Variants in FHIT observed in about 807,000 individuals in gnomAD.
FHIT encodes the protein fragile histidine triad diadenosine triphosphatase, also known as bis(5'-adenosyl)-triphosphatase.
Under a neutral mutation model 17.9 loss-of-function variants are expected in FHIT, and 19 were observed. The ratio of observed to expected loss-of-function variants is 1.06; its 90% confidence interval spans 0.74 to 1.56. FHIT has a LOEUF of 1.56. FHIT is among the 40% of genes most tolerant of loss of function. The pLI is 0.00. For synonymous variants in FHIT, 81 were observed against 69.7 expected, an observed-to-expected ratio of 1.16 and a Z score of -0.81; for missense variants, 248 against 189.2, an observed-to-expected ratio of 1.31 and a Z score of -1.82.
At chr3:59,757,656 T>C (rs566354310) in intron 8 of FHIT, among the ~76,000 whole-genome samples, 1 of 152,342 alleles carries the variant, frequency 6.6e-6, no homozygotes, top group African/African-American at 2.4e-5. Context: ...AAAACTACTT[T>C]AATGCTCTTC....
chr3:61,081,732 T>G (rs2035143250), intron 2 of FHIT, among the ~76,000 whole-genome samples: 1 of 152,172 alleles, frequency 6.6e-6, no homozygotes, highest in Admixed American at 6.5e-5. Flanking sequence ...TCACATTGCA[T>G]TAAGGTTCCA....
intron 8 of FHIT, among the ~76,000 whole-genome samples, chr3:59,754,368 T>C (rs1008493255): frequency 6.6e-6 from 1 of 152,218 alleles, no homozygotes; most frequent in Non-Finnish European, 1.5e-5. Flanking sequence ...AAAACCACAT[T>C]AAGAAGTCAT....
intron 5 of FHIT, among the ~76,000 whole-genome samples, chr3:60,169,416 C>T (rs1701320849): frequency 6.6e-6 from 1 of 152,136 alleles, no homozygotes. Context: ...TTATAAATGT[C>T]ACATACAGTG....
Position 60,779,667 on chromosome 3 carries a change from T to C in FHIT, c.-18+42252A>G, listed in dbSNP as rs551942895. Among the ~76,000 whole-genome samples the C allele has an allele frequency of 8.5e-5, 13 of 152,208 alleles. No individual in the cohort carries two copies. In the East Asian group the frequency reaches 2.1e-3, roughly 25 times the overall value. ...CATTTGTCTTATGATAAGGAGGCCA[T>C]GCAATGCCCCATCCGAGATACATTT... is the stretch of plus-strand genomic sequence containing the variant. On this transcript the variant is annotated intron_variant, in intron 4 of 9. Transcript: ENST00000492590.
At chr3:59,868,047 T>TTTAA (rs397964099) in intron 8 of FHIT, among the ~76,000 whole-genome samples, 6,687 of 111,158 alleles carry the variant, frequency 0.06, 235 homozygotes, top group Non-Finnish European at 0.094. Context: ...TTTTTTTTTT[T>TTTAA]AAAAAAAAAA....
chr3:61,014,091 T>C (rs1417968857), intron 3 of FHIT, among the ~76,000 whole-genome samples: 2 of 152,126 alleles, frequency 1.3e-5, no homozygotes, highest in Non-Finnish European at 2.9e-5. Context: ...TCTGCATGAC[T>C]TTCCAGATTC....
At chr3:61,188,273 A>T (rs930013052) in intron 2 of FHIT, among the ~76,000 whole-genome samples, 5 of 152,232 alleles carry the variant, frequency 3.3e-5, no homozygotes, top group African/African-American at 1.2e-4. Context: ...CCACGGAAAT[A>T]CAAACTACCA....
intron 5 of FHIT, among the ~76,000 whole-genome samples, chr3:60,425,478 C>T (rs1023393435): frequency 6.6e-6 from 1 of 152,050 alleles, no homozygotes; most frequent in Non-Finnish European, 1.5e-5. Flanking sequence ...ACACTAAACC[C>T]TTATGATACA....
chr3:59,932,382 C>T (rs896989230), intron 7 of FHIT, among the ~76,000 whole-genome samples: 14 of 152,098 alleles, frequency 9.2e-5, no homozygotes, highest in African/African-American at 3.1e-4. Flanking sequence ...AAACTCAAAA[C>T]AGGGCATGTA....
At chr3:61,224,653 A>T (rs1336348277) in intron 1 of FHIT, among the ~76,000 whole-genome samples, 2 of 151,928 alleles carry the variant, frequency 1.3e-5, no homozygotes, top group Non-Finnish European at 2.9e-5. Context: ...CAGCTGATCC[A>T]CCCGCCTTGG....
intron 4 of FHIT, among the ~76,000 whole-genome samples, chr3:60,564,635 T>C (rs1013561056): frequency 2.0e-5 from 3 of 152,080 alleles, no homozygotes; most frequent in African/African-American, 7.2e-5. Context: ...GTTCAAGACA[T>C]CAGTGGTGAA....
chr3:60,047,533 T>C (rs1005525474), intron 5 of FHIT, among the ~76,000 whole-genome samples: 2 of 152,218 alleles, frequency 1.3e-5, no homozygotes, highest in African/African-American at 4.8e-5. Flanking sequence ...CGTCTTATCT[T>C]TGTTTATGAT....
At chr3:60,923,282 T>C (rs998271074) in intron 3 of FHIT, among the ~76,000 whole-genome samples, 1 of 152,350 alleles carries the variant, frequency 6.6e-6, no homozygotes, top group Admixed American at 6.5e-5. Flanking sequence ...TCAAATGTTG[T>C]GTGTGTTTCA....
rs143353707 is a variant in FHIT, at chr3:60,095,310, A to G, written c.104-81158T>C. On this transcript the variant is annotated intron_variant, in intron 5 of 9. Transcript: ENST00000492590. ...AGGTGGAATGTTTAAAGATCTGTAG[A>G]AAGTCTTGAAATCGTTCCCACACAT... 3.5e-3 allele frequency among the ~76,000 whole-genome samples: 532 copies of G among 152,320 alleles called. 3 individuals carry two copies. The highest frequency in any genetic ancestry group is 0.012 in the African/African-American group (501 of 41,584).
At chr3:59,963,623 T>C (rs1707791200) in intron 7 of FHIT, among the ~76,000 whole-genome samples, 1 of 152,212 alleles carries the variant, frequency 6.6e-6, no homozygotes, top group Non-Finnish European at 1.5e-5. Flanking sequence ...TTCATACTTA[T>C]GATTTCATTT....
intron 8 of FHIT, among the ~76,000 whole-genome samples, chr3:59,766,373 G>T (rs1701797046): frequency 6.6e-6 from 1 of 152,142 alleles, no homozygotes; most frequent in Admixed American, 6.5e-5. Flanking sequence ...AGTAGCATTT[G>T]CCATATAAAA....
At chr3:60,973,346 T>A (rs1489848502) in intron 3 of FHIT, among the ~76,000 whole-genome samples, 2 of 152,172 alleles carry the variant, frequency 1.3e-5, no homozygotes, top group Admixed American at 1.3e-4. Context: ...CTGAACTCTG[T>A]GAGACACTGA....
intron 4 of FHIT, among the ~76,000 whole-genome samples, chr3:60,785,896 GACACACACAC>G (rs71092634): frequency 8.9e-4 from 76 of 85,800 alleles, no homozygotes; most frequent in Non-Finnish European, 1.8e-3. Flanking sequence ...ACAAACAGAA[GACACACACAC>G]ACACACACAC....
At chr3:60,881,327 C>T (rs1704966399) in intron 3 of FHIT, among the ~76,000 whole-genome samples, 1 of 152,052 alleles carries the variant, frequency 6.6e-6, no homozygotes, top group Admixed American at 6.6e-5. Context: ...AGAGATAGAC[C>T]CCAATGCCAT....
Sources: allele counts gnomAD v4.1 joint callset (sites outside exome capture counted in the v4.1 genomes callset), GRCh38; gene constraint gnomAD v4.1.1; transcripts MANE v1.5; gene names NCBI Gene and HGNC (gene_info 2026-07-23, HGNC 2026-07-21).